IFT52: variants seen among roughly 807,000 people sequenced by gnomAD.
IFT52 encodes intraflagellar transport protein 52 homolog.
Under a neutral mutation model 54.4 loss-of-function variants are expected in IFT52, and 44 were observed. That is an observed-to-expected ratio of 0.81 (90% confidence interval 0.63 to 1.04). IFT52 has a LOEUF of 1.04. Ranked by LOEUF, IFT52 falls within the 50% of genes least tolerant of loss-of-function variation. The probability of loss-of-function intolerance (pLI) is 0.00; values close to 1 mark genes in which losing one functional copy is unlikely to be tolerated. For missense variants in IFT52, 452 were observed against 523.6 expected (o/e 0.86, Z 1.33); for synonymous variants, 181 against 185.3 (o/e 0.98, Z 0.19).
At chr20:43,627,929 T>TG (rs1984863040) in intron 10 of IFT52, among the ~76,000 whole-genome samples, 3 of 143,196 alleles carry the variant, frequency 2.1e-5, no homozygotes, top group Admixed American at 7.0e-5. Flanking sequence ...AGAGTTTTTT[T>TG]TTTTTTTTTT....
At chr20:43,604,304 C>T (rs764485715) in intron 5 of IFT52, 46 bp downstream of exon 5, 1 of 1,378,930 alleles carries the variant, frequency 7.3e-7, no homozygotes, top group East Asian at 2.3e-5. Flanking sequence ...CATCGTCGCT[C>T]ACACCTGTAA....
chr20:43,608,123 A>G (rs1983118472), intron 6 of IFT52, among the ~76,000 whole-genome samples: 1 of 152,158 alleles, frequency 6.6e-6, no homozygotes. Flanking sequence ...GCTCGGCATC[A>G]GAGGGAGACC....
intron 6 of IFT52, among the ~76,000 whole-genome samples, chr20:43,612,154 A>T (rs1336074997): frequency 6.6e-6 from 1 of 152,096 alleles, no homozygotes; most frequent in African/African-American, 2.4e-5. Context: ...TGGGGGATAG[A>T]TGTGCATTGA....
At chr20:43,592,563 A>ACT (rs1981613249) in intron 1 of IFT52, among the ~76,000 whole-genome samples, 1 of 86,900 alleles carries the variant, frequency 1.2e-5, no homozygotes, top group African/African-American at 4.3e-5. Flanking sequence ...CACAGAGCAG[A>ACT]CTCTCTCAAA....
intron 1 of IFT52, among the ~76,000 whole-genome samples, chr20:43,592,408 T>TA (rs1981601557): frequency 1.3e-5 from 2 of 151,980 alleles, no homozygotes; most frequent in South Asian, 4.1e-4. Flanking sequence ...ATTTAAATGT[T>TA]AAAAAATTAC....
intron 9 of IFT52, among the ~76,000 whole-genome samples, chr20:43,622,433 CT>C (rs1189779165): frequency 1.8e-5 from 2 of 108,286 alleles, no homozygotes; most frequent in Non-Finnish European, 3.9e-5. Flanking sequence ...CCCATTTCTA[CT>C]AAAAATACAA....
At position 43,620,884 on chromosome 20, in the gene IFT52, G is replaced by A. The variant is rs1234390429; in HGVS notation, c.727G>A (p.Gly243Arg). ...TGTTGTTTTCCAGTGGCTCACGACAGGAGACATCCACCTAAACCAGATTGA... is the reference window on the plus strand; with the variant it reads ...TGTTGTTTTCCAGTGGCTCACGACAAGAGACATCCACCTAAACCAGATTGA... ...MDVVFQWLTT[G>R]DIHLNQIDAE... Residue 243 changes from glycine (G) to arginine (R), a missense_variant, in exon 9 of 14, where the codon GGA becomes AGA. Physicochemically the swap from Gly to Arg is moderately radical, Grantham distance 125. Coordinates refer to ENST00000373030, the MANE Select transcript of IFT52 (RefSeq NM_016004.5). The A allele has an allele frequency of 5.0e-6, 8 of 1,612,082 alleles. No individual in the cohort carries two copies. The highest frequency in any genetic ancestry group is 6.8e-6 in the Non-Finnish European group (8 of 1,179,192).
chr20:43,596,734 TTC>T (rs1448799815), intron 3 of IFT52, among the ~76,000 whole-genome samples: 1 of 128,808 alleles, frequency 7.8e-6, no homozygotes, highest in East Asian at 2.6e-4. Context: ...TTAGCCACAC[TTC>T]TTTTTTTTTT....
chr20:43,607,414 G>A (rs918411702), intron 6 of IFT52, among the ~76,000 whole-genome samples: 2 of 148,862 alleles, frequency 1.3e-5, no homozygotes, highest in African/African-American at 2.5e-5. Context: ...CTTCTCAGAC[G>A]GGGCGGCTGC....
intron 10 of IFT52, chr20:43,624,270 G>T (rs1292636170): frequency 7.4e-6 from 4 of 543,862 alleles, no homozygotes; most frequent in Non-Finnish European, 1.3e-5. Flanking sequence ...TCTGGACCAG[G>T]CATTTAGCCT....
At chr20:43,641,707 G>A (rs570061351) in intron 12 of IFT52, among the ~76,000 whole-genome samples, 2 of 151,582 alleles carry the variant, frequency 1.3e-5, no homozygotes, top group Non-Finnish European at 2.9e-5. Context: ...TGCTGGCCAG[G>A]CTGGTCTCGA....
chr20:43,592,350 G>A (rs1205360935), intron 1 of IFT52, among the ~76,000 whole-genome samples: 1 of 151,624 alleles, frequency 6.6e-6, no homozygotes, highest in Non-Finnish European at 1.5e-5. Context: ...AAAAAAAAAA[G>A]GAATGAAGCC....
rs143713462 is a variant in IFT52, at chr20:43,604,000, G to A, written c.337+111G>A. 1.6e-4 allele frequency: 150 copies of A among 944,846 alleles called. 1 individual carries two copies. In the East Asian group the frequency reaches 3.3e-3, roughly 21 times the overall value. The allele number at this position is 944,846 out of a possible 1,614,324, so 58.5% of individuals were successfully genotyped here. On this transcript the variant is annotated intron_variant, in intron 4 of 13. Transcript: ENST00000373030. ...GGAAAAAGCCCTGGGCTGTGTGTGCGTGTTTTAATGTTCCATTCTCATCAG... is the reference window on the plus strand; with the variant it reads ...GGAAAAAGCCCTGGGCTGTGTGTGCATGTTTTAATGTTCCATTCTCATCAG...
At chr20:43,592,191 C>T (rs1038161686) in intron 1 of IFT52, among the ~76,000 whole-genome samples, 3 of 152,026 alleles carry the variant, frequency 2.0e-5, no homozygotes, top group Admixed American at 6.6e-5. Flanking sequence ...ACCGTCTCTA[C>T]TATGGCGCGC....
At chr20:43,591,243 G>A (rs1027440886) in intron 1 of IFT52, among the ~76,000 whole-genome samples, 189 bp downstream of exon 1, 28 of 152,230 alleles carry the variant, frequency 1.8e-4, no homozygotes, top group African/African-American at 6.5e-4. Flanking sequence ...CCATCTCCAC[G>A]GCCTCGGGTG....
In IFT52 at chr20:43,637,757, G is replaced by T. The variant is rs974849543; in HGVS notation, c.1120+504G>T. ...TCTTCTCGAGGCTATTTAGTTCAGT[G>T]AATTAGAACATAGTGCCAAGCAGAA... On this transcript the variant is annotated intron_variant, in intron 12 of 13. Transcript: ENST00000373030. Among the ~76,000 whole-genome samples, 3 of 152,246 alleles carry T rather than the reference G, an allele frequency of 2.0e-5. 1 individual carries two copies. The highest frequency in any genetic ancestry group is 2.4e-5 in the African/African-American group (1 of 41,552).
rs1983646268 is a variant in IFT52, at chr20:43,613,878, G to A, written c.514G>A (p.Ala172Thr). 1 of 1,614,016 alleles carries A rather than the reference G, an allele frequency of 6.2e-7. No homozygotes were observed. Among genetic ancestry groups the A allele is most frequent in the Admixed American group, 1.7e-5 (1 of 60,014 alleles). ...TCTCACCTTTGTGTATCCTTTTGGT[G>A]CCACATTGAGTGTCATGAAACCAGC... ...QALTFVYPFG[A>T]TLSVMKPAVA... The change falls in exon 7 of 14, where the codon GCC becomes ACC. Residue 172 changes from alanine to threonine, a missense_variant. Ala to Thr is a moderately conservative substitution (Grantham distance 58, BLOSUM62 0). Transcript: ENST00000373030.
At chr20:43,637,481 T>G (rs1412153714) in intron 12 of IFT52, among the ~76,000 whole-genome samples, 1 of 152,228 alleles carries the variant, frequency 6.6e-6, no homozygotes, top group East Asian at 1.9e-4. Flanking sequence ...CAGGCTGGTC[T>G]CAAACTCCTG....
In IFT52 at chr20:43,620,933, C is replaced by T; in HGVS notation, c.768+8C>T. On this transcript the variant is annotated splice_region_variant and intron_variant, in intron 9 of 13. Transcript: ENST00000373030. The stretch of plus-strand genomic sequence containing the variant: ...GATGCTGAGGACCCAGAGGTAGACA[C>T]CGAATTATTAGAAACTTTTAAATGA... 1 of 1,602,486 alleles carries T rather than the reference C, an allele frequency of 6.2e-7. No homozygotes were observed. The highest frequency in any genetic ancestry group is 8.5e-7 in the Non-Finnish European group (1 of 1,171,660).
Sources: gnomAD v4.1 joint callset for allele counts (sites outside exome capture counted in the v4.1 genomes callset) on GRCh38, gnomAD v4.1.1 for gene constraint, MANE v1.5 for transcripts, NCBI Gene and HGNC (gene_info 2026-07-23, HGNC 2026-07-21) for gene names.